The following LPIN1 variants were observed in gnomAD, a reference collection of about 807,000 sequenced individuals.
The protein encoded by LPIN1 is phosphatidate phosphatase LPIN1.
LPIN1 carries 71 observed loss-of-function variants against 107.5 expected under a neutral mutation model. The ratio of observed to expected loss-of-function variants is 0.66; its 90% CI spans 0.55 to 0.80. LPIN1 has a LOEUF of 0.80. Ranked by LOEUF, LPIN1 falls within the 30% of genes least tolerant of loss-of-function variation. The pLI, the probability that LPIN1 is intolerant of heterozygous loss-of-function variation, is 0.00. For missense variants in LPIN1, 1,043 were observed against 1,160.6 expected (o/e 0.90, Z 1.47); for synonymous variants, 445 against 452.6 (o/e 0.98, Z 0.21).
chr2:11,744,202 T>C (rs888681833), upstream of LPIN1, among the ~76,000 whole-genome samples: 8 of 152,224 alleles, frequency 5.3e-5, no homozygotes, highest in African/African-American at 1.9e-4. Flanking sequence ...TTCCTTCTCC[T>C]CTTCCGAGTG....
At chr2:11,760,044 G>A (rs1356690958) in intron 1 of LPIN1, among the ~76,000 whole-genome samples, 1 of 152,222 alleles carries the variant, frequency 6.6e-6, no homozygotes, top group Admixed American at 6.5e-5. Flanking sequence ...CCCAGACGGG[G>A]TCGCGGCCGG....
At chr2:11,685,387 G>T (rs1661953815) in intron 1 of LPIN1, among the ~76,000 whole-genome samples, 1 of 152,214 alleles carries the variant, frequency 6.6e-6, no homozygotes, top group South Asian at 2.1e-4. Context: ...CACCTCCTGG[G>T]CTTTCGGGGC....
At chr2:11,726,414 C>T (rs1664659697) in intron 1 of LPIN1, among the ~76,000 whole-genome samples, 1 of 152,094 alleles carries the variant, frequency 6.6e-6, no homozygotes, top group South Asian at 2.1e-4. Context: ...TTGAACTTTC[C>T]CATTACCTAA....
At chr2:11,696,490 G>A (rs1008687320) in intron 1 of LPIN1, among the ~76,000 whole-genome samples, 2 of 152,078 alleles carry the variant, frequency 1.3e-5, no homozygotes, top group African/African-American at 4.8e-5. Context: ...AAAAGACATT[G>A]GATTTTGACT....
chr2:11,752,517 C>T (rs1210672085), intron 1 of LPIN1, among the ~76,000 whole-genome samples: 1 of 142,246 alleles, frequency 7.0e-6, no homozygotes, highest in Admixed American at 6.9e-5. Flanking sequence ...CTGCAAGCTC[C>T]GCCTCCCGGG....
At chr2:11,777,678 C>T (rs1353830295) in intron 6 of LPIN1, among the ~76,000 whole-genome samples, 2 of 152,184 alleles carry the variant, frequency 1.3e-5, no homozygotes, top group African/African-American at 2.4e-5. Context: ...CCCGTAAAGC[C>T]CGAGATATCT....
At chr2:11,797,065 C>T (rs913455150) in intron 14 of LPIN1, among the ~76,000 whole-genome samples, 4 of 152,228 alleles carry the variant, frequency 2.6e-5, no homozygotes, top group Non-Finnish European at 5.9e-5. Context: ...AACAAAGATG[C>T]GAAACTGCGT....
At chr2:11,808,846 G>C (rs1679160803) in intron 17 of LPIN1, among the ~76,000 whole-genome samples, 1 of 150,706 alleles carries the variant, frequency 6.6e-6, no homozygotes, top group Non-Finnish European at 1.5e-5. Context: ...ACTCCAGCCT[G>C]GGTGACAGAG....
upstream of LPIN1, among the ~76,000 whole-genome samples, chr2:11,723,297 T>C (rs960720703): frequency 8.5e-5 from 13 of 152,168 alleles, no homozygotes; most frequent in African/African-American, 1.7e-4. Context: ...GTACTAGGCA[T>C]AGTGATTGTG....
intron 20 of LPIN1, among the ~76,000 whole-genome samples, chr2:11,822,131 T>C (rs1681626410): frequency 6.6e-6 from 1 of 151,968 alleles, no homozygotes; most frequent in Non-Finnish European, 1.5e-5. Context: ...GGGTAATTTA[T>C]ACAGGAGAAA....
At chr2:11,800,971 C>T (rs1303188715) in intron 14 of LPIN1, among the ~76,000 whole-genome samples, 1 of 152,116 alleles carries the variant, frequency 6.6e-6, no homozygotes, top group African/African-American at 2.4e-5. Context: ...GTTTCCTTTG[C>T]TGGGCAGTAG....
chr2:11,750,114 C>T (rs1018753110), intron 1 of LPIN1, among the ~76,000 whole-genome samples: 2 of 152,276 alleles, frequency 1.3e-5, no homozygotes, highest in Middle Eastern at 3.4e-3. Flanking sequence ...CCTGGAAGCC[C>T]TCGCACCTCT....
chr2:11,787,701 G>A (rs2148666413), intron 11 of LPIN1, among the ~76,000 whole-genome samples: 1 of 152,144 alleles, frequency 6.6e-6, no homozygotes, highest in East Asian at 1.9e-4. Context: ...CAGCACTTTG[G>A]GAGGCCAAGG....
chr2:11,695,697 G>A (rs1436883207), intron 1 of LPIN1, among the ~76,000 whole-genome samples: 2 of 152,086 alleles, frequency 1.3e-5, no homozygotes, highest in East Asian at 1.9e-4. Context: ...TTGTTTTTGC[G>A]GGTGGCCAGA....
intron 4 of LPIN1, among the ~76,000 whole-genome samples, chr2:11,772,617 C>T (rs1403759958): frequency 6.6e-6 from 1 of 152,132 alleles, no homozygotes; most frequent in East Asian, 1.9e-4. Flanking sequence ...TTAATTTTGA[C>T]TTAGGTCCAA....
chr2:11,759,133 TTTTCTTTC>T (rs201897285), intron 1 of LPIN1, among the ~76,000 whole-genome samples: 23,657 of 131,394 alleles, frequency 0.18, 2,024 homozygotes, highest in Middle Eastern at 0.22. Context: ...GCTTTCTTTC[TTTTCTTTC>T]TTTCTTTCTT....
At chr2:11,744,694 T>G (rs965906431), upstream of LPIN1, among the ~76,000 whole-genome samples, 1 of 152,234 alleles carries the variant, frequency 6.6e-6, no homozygotes, top group African/African-American at 2.4e-5. Context: ...ACTGGCTTCC[T>G]GGAAAGCCTT....
In LPIN1 at chr2:11,786,535, C is replaced by T. The variant is rs1014535140; in HGVS notation, c.1550-539C>T. 3.3e-5 allele frequency among the ~76,000 whole-genome samples: 5 copies of T among 152,088 alleles called. No individual in the cohort carries two copies. Among genetic ancestry groups the T allele is most frequent in the South Asian group, 2.1e-4 (1 of 4,812 alleles). Reference sequence around the variant, plus strand: ...TGCCCCACCATGATGAGAACAGTGCCCTGCCTGCTTCTGATTGTGGTGGAG... The same window carrying T: ...TGCCCCACCATGATGAGAACAGTGCTCTGCCTGCTTCTGATTGTGGTGGAG... On this transcript the variant is annotated intron_variant, in intron 10 of 20. Coordinates refer to ENST00000674199, the MANE Select transcript of LPIN1 (RefSeq NM_001349206.2). This position sits in a 1 kb window ranked among gnomAD's most constrained non-coding sequence, Gnocchi z 4.1.
chr2:11,795,620 A>G (rs573702331), intron 14 of LPIN1, 133 bp downstream of exon 14: 1 of 844,590 alleles, frequency 1.2e-6, no homozygotes, highest in East Asian at 2.6e-5. Flanking sequence ...GGTGACCTGG[A>G]GCAATTTATT....
Sources: allele counts gnomAD v4.1 joint callset (sites outside exome capture counted in the v4.1 genomes callset), GRCh38; gene constraint gnomAD v4.1.1; non-coding constraint Gnocchi (gnomAD v3.1); transcripts MANE v1.5; gene names NCBI Gene and HGNC (gene_info 2026-07-23, HGNC 2026-07-21).